RAP1GAP2: variants seen among roughly 807,000 people sequenced by gnomAD.
The protein encoded by RAP1GAP2 is RAP1 GTPase activating protein 2, also known as rap1 GTPase-activating protein 2.
A neutral mutation model predicts 95.0 loss-of-function variants in RAP1GAP2; 27 were observed. The ratio of observed to expected loss-of-function variants is 0.28; its 90% CI spans 0.21 to 0.39. RAP1GAP2 has a LOEUF of 0.39. Among genes scored for constraint, RAP1GAP2 ranks in the 10% least tolerant of loss-of-function variants. The pLI is 1.00. For synonymous variants in RAP1GAP2, 373 were observed against 380.9 expected (o/e 0.98, Z 0.24); for missense variants, 771 against 970.0 (o/e 0.79, Z 2.72).
At chr17:2,868,434 G>T (rs2072705866) in intron 2 of RAP1GAP2, among the ~76,000 whole-genome samples, 1 of 152,062 alleles carries the variant, frequency 6.6e-6, no homozygotes, top group Non-Finnish European at 1.5e-5. Flanking sequence ...GCTTTCCCAT[G>T]TGTGAAATGC....
intron 3 of RAP1GAP2, among the ~76,000 whole-genome samples, chr17:2,912,278 CCT>C (rs1321588240): frequency 1.3e-5 from 2 of 152,078 alleles, no homozygotes; most frequent in Non-Finnish European, 2.9e-5. Flanking sequence ...CACCGGCCAC[CCT>C]CTCTCCCTGG....
chr17:3,027,383 C>T lies in RAP1GAP2; in HGVS notation c.2107+313C>T, dbSNP rs2047159267. Among the ~76,000 whole-genome samples the T allele has an allele frequency of 6.6e-6, 1 of 152,116 alleles. No individual in the cohort carries two copies. On this transcript the variant is annotated intron_variant, in intron 22 of 24. Coordinates refer to ENST00000254695, the MANE Select transcript of RAP1GAP2 (RefSeq NM_015085.5). This position sits in a 1 kb window ranked among gnomAD's most constrained non-coding sequence, Gnocchi z 5.2. ...TTCCATTAGCCCTTCTCCCCACCTG[C>T]CAGTGCTCCAACCCTTCTCCCCACC...
intron 3 of RAP1GAP2, among the ~76,000 whole-genome samples, chr17:2,949,227 G>C (rs2043823473): frequency 6.6e-6 from 1 of 152,230 alleles, no homozygotes; most frequent in Non-Finnish European, 1.5e-5. Context: ...TGGGTGGCAA[G>C]AGCTGCTGCT....
chr17:2,805,446 C>A (rs1446168367), intron 2 of RAP1GAP2, among the ~76,000 whole-genome samples: 1 of 152,172 alleles, frequency 6.6e-6, no homozygotes, highest in Non-Finnish European at 1.5e-5. Flanking sequence ...ACCTCCGTCT[C>A]CTGGGTTCAA....
intron 2 of RAP1GAP2, among the ~76,000 whole-genome samples, chr17:2,771,547 G>A (rs948835590): frequency 6.9e-6 from 1 of 143,894 alleles, no homozygotes; most frequent in African/African-American, 2.6e-5. Context: ...AGGCTGGAGT[G>A]TAATGGCACG....
chr17:2,786,113 C>G (rs547677434), intron 1 of RAP1GAP2, among the ~76,000 whole-genome samples: 1 of 152,114 alleles, frequency 6.6e-6, no homozygotes, highest in Non-Finnish European at 1.5e-5. Flanking sequence ...GTTGGCCAGG[C>G]TGATCTCGAA....
intron 8 of RAP1GAP2, among the ~76,000 whole-genome samples, chr17:2,975,130 T>C (rs560841614): frequency 8.9e-4 from 135 of 152,186 alleles, no homozygotes; most frequent in African/African-American, 3.1e-3. Flanking sequence ...CTCAGGAGGC[T>C]GAGGCAGGAG....
chr17:2,967,558 G>A (rs1289507387), intron 8 of RAP1GAP2, among the ~76,000 whole-genome samples: 2 of 152,074 alleles, frequency 1.3e-5, no homozygotes, highest in Non-Finnish European at 2.9e-5. Context: ...TGAAATCAAT[G>A]CCCCAGGAAG....
chr17:2,845,750 A>G (rs962274066), intron 2 of RAP1GAP2, among the ~76,000 whole-genome samples: 14 of 151,452 alleles, frequency 9.2e-5, no homozygotes, highest in African/African-American at 3.4e-4. Context: ...AATCCCAGCT[A>G]CTCTGGAGGC....
intron 17 of RAP1GAP2, among the ~76,000 whole-genome samples, chr17:3,016,945 G>A (rs140357212): frequency 3.7e-4 from 57 of 152,252 alleles, no homozygotes; most frequent in Non-Finnish European, 6.3e-4. Context: ...ATTCCTGCCC[G>A]GCCAGATCCA....
intron 17 of RAP1GAP2, among the ~76,000 whole-genome samples, chr17:3,012,562 G>A (rs1202186551): frequency 7.3e-6 from 1 of 137,182 alleles, no homozygotes; most frequent in Non-Finnish European, 1.5e-5. Context: ...AGGTTGCAGT[G>A]AGCTGAGATT....
chr17:2,763,972 C>G (rs1355452999), intron 1 of RAP1GAP2, among the ~76,000 whole-genome samples: 2 of 151,926 alleles, frequency 1.3e-5, no homozygotes, highest in Non-Finnish European at 2.9e-5. Flanking sequence ...TCTGTCAGCC[C>G]GGGAGAGACC....
At chr17:2,950,061 C>CTTCTTCTTCTTTT (rs1555575129) in intron 3 of RAP1GAP2, among the ~76,000 whole-genome samples, 58 of 141,294 alleles carry the variant, frequency 4.1e-4, no homozygotes, top group African/African-American at 1.5e-3. Flanking sequence ...TCTTCTTCTT[C>CTTCTTCTTCTTTT]TTTTTTTTTT....
intron 2 of RAP1GAP2, among the ~76,000 whole-genome samples, chr17:2,893,172 C>T (rs947263511): frequency 6.6e-6 from 1 of 152,030 alleles, no homozygotes; most frequent in East Asian, 1.9e-4. Flanking sequence ...GGATTACAGG[C>T]ACCCGCCACC....
chr17:2,997,991 G>C (rs2046025005), intron 13 of RAP1GAP2, among the ~76,000 whole-genome samples: 1 of 150,452 alleles, frequency 6.6e-6, no homozygotes, highest in Non-Finnish European at 1.5e-5. Context: ...AAATAGGAAA[G>C]CAACTCAAAA....
chr17:2,975,750 G>C (rs889360041), intron 8 of RAP1GAP2, among the ~76,000 whole-genome samples: 5 of 152,256 alleles, frequency 3.3e-5, no homozygotes, highest in African/African-American at 1.2e-4. Flanking sequence ...GCTTGCCCCT[G>C]GCCCGCACTG....
chr17:2,818,286 C>T (rs1347865123), intron 2 of RAP1GAP2, among the ~76,000 whole-genome samples: 1 of 150,280 alleles, frequency 6.7e-6, no homozygotes, highest in Non-Finnish European at 1.5e-5. Flanking sequence ...TGTTTTCTCT[C>T]AGCCCACTTT....
chr17:3,037,373 C>CG lies in RAP1GAP2; in HGVS notation c.*4012_*4013insG, dbSNP rs549878525. The CG allele has an allele frequency of 1.3e-5, 1 of 78,004 alleles. No individual in the cohort carries two copies. The highest frequency in any genetic ancestry group is 1.2e-4 in the Admixed American group (1 of 8,178). 4.8% of individuals were successfully genotyped at this position (78,004 alleles called of 1,614,324 possible). A position where few individuals can be genotyped will look rare whatever the true frequency, so the allele number is the denominator to read the frequency against. On this transcript the variant is annotated 3_prime_UTR_variant, in exon 25 of 25. Coordinates refer to ENST00000254695, the MANE Select transcript of RAP1GAP2 (RefSeq NM_015085.5). ...CTTGGAAGTGTGAACTACCCCCCCCCCCCCGCTTCCTGCTCCTTAGCATGC... is the reference window on the plus strand; with the variant it reads ...CTTGGAAGTGTGAACTACCCCCCCCCGCCCCGCTTCCTGCTCCTTAGCATGC...
chr17:3,018,439 T>C (rs560132675), intron 18 of RAP1GAP2, among the ~76,000 whole-genome samples: 17 of 152,290 alleles, frequency 1.1e-4, no homozygotes, highest in African/African-American at 4.1e-4. Flanking sequence ...GAAGCCCTCC[T>C]GTCCTGTTCT....
Sources: allele counts gnomAD v4.1 joint callset (sites outside exome capture counted in the v4.1 genomes callset), GRCh38; gene constraint gnomAD v4.1.1; non-coding constraint Gnocchi (gnomAD v3.1); transcripts MANE v1.5; gene names NCBI Gene and HGNC (gene_info 2026-07-23, HGNC 2026-07-21).